Variants in AUTS2 observed in about 807,000 individuals in gnomAD.
AUTS2 encodes activator of transcription and developmental regulator AUTS2.
In AUTS2, 17 loss-of-function variants were observed where a neutral mutation model predicts 112.4. The ratio of observed to expected loss-of-function variants is 0.15; its 90% CI spans 0.10 to 0.23. The LOEUF is 0.23. Among genes scored for constraint, AUTS2 ranks in the 10% least tolerant of loss-of-function variants. The pLI, the probability that AUTS2 is intolerant of heterozygous loss-of-function variation, is 1.00. For missense variants in AUTS2, 1,510 were observed against 1,701.6 expected (o/e 0.89, Z 1.98); for synonymous variants, 751 against 702.7 (o/e 1.07, Z -1.09).
intron 2 of AUTS2, among the ~76,000 whole-genome samples, chr7:70,041,751 A>G (rs1801257802): frequency 6.6e-6 from 1 of 152,206 alleles, no homozygotes; most frequent in Admixed American, 6.5e-5. Context: ...ATAATCAGAA[A>G]TAGCTTGGGG....
chr7:70,711,499 G>C (rs1175105510), intron 6 of AUTS2, among the ~76,000 whole-genome samples: 1 of 152,182 alleles, frequency 6.6e-6, no homozygotes, highest in East Asian at 1.9e-4. Flanking sequence ...GGGCTTCCAA[G>C]TGACAAACAA....
intron 4 of AUTS2, among the ~76,000 whole-genome samples, chr7:70,311,630 C>A (rs1257992626): frequency 1.3e-5 from 2 of 152,188 alleles, no homozygotes; most frequent in Admixed American, 1.3e-4. Context: ...AATCTTGGCT[C>A]ACTGCAACCT....
chr7:70,289,494 A>G (rs1788613706), intron 4 of AUTS2, among the ~76,000 whole-genome samples: 1 of 152,220 alleles, frequency 6.6e-6, no homozygotes, highest in Non-Finnish European at 1.5e-5. Flanking sequence ...ACAGAAACAT[A>G]AGATTTACAT....
At chr7:70,449,396 C>T (rs1363593953) in intron 5 of AUTS2, among the ~76,000 whole-genome samples, 1 of 152,166 alleles carries the variant, frequency 6.6e-6, no homozygotes. Context: ...GTTGGTGTAA[C>T]TTAAGCCAGG....
At chr7:69,959,322 A>C (rs1797339683) in intron 2 of AUTS2, among the ~76,000 whole-genome samples, 1 of 152,200 alleles carries the variant, frequency 6.6e-6, no homozygotes, top group Admixed American at 6.5e-5. Context: ...AGTTACTTAC[A>C]GAATACTCTC....
At chr7:70,267,874 T>A (rs1290482846) in intron 4 of AUTS2, among the ~76,000 whole-genome samples, 1 of 152,206 alleles carries the variant, frequency 6.6e-6, no homozygotes, top group African/African-American at 2.4e-5. Flanking sequence ...TTTCCCCCCC[T>A]ACACTTGCAA....
chr7:70,743,340 G>A (rs61561819), intron 6 of AUTS2, among the ~76,000 whole-genome samples: 14,105 of 151,906 alleles, frequency 0.093, 757 homozygotes, highest in East Asian at 0.27. Context: ...GTGGTGACAC[G>A]CACCTGTAGT....
At chr7:69,882,014 G>A (rs981571786) in intron 1 of AUTS2, among the ~76,000 whole-genome samples, 2 of 151,764 alleles carry the variant, frequency 1.3e-5, no homozygotes, top group African/African-American at 4.8e-5. Flanking sequence ...GCTGGGAGTG[G>A]TGGTGCACGC....
intron 5 of AUTS2, among the ~76,000 whole-genome samples, chr7:70,645,988 A>T (rs1248357663): frequency 6.6e-6 from 1 of 152,106 alleles, no homozygotes; most frequent in Admixed American, 6.5e-5. Flanking sequence ...CGTCTAACCC[A>T]TTTCACACCA....
intron 5 of AUTS2, among the ~76,000 whole-genome samples, chr7:70,695,992 C>T (rs890876225): frequency 1.2e-4 from 18 of 152,148 alleles, no homozygotes; most frequent in Admixed American, 1.1e-3. Flanking sequence ...TCGGCTCATT[C>T]TGGGCTCGCC....
chr7:69,873,792 GA>G lies in AUTS2; in HGVS notation c.310-25492del, dbSNP rs139318762. Among the ~76,000 whole-genome samples, 446 of 152,218 alleles carry G rather than the reference GA, an allele frequency of 2.9e-3. 5 individuals carry two copies. The highest frequency in any genetic ancestry group is 0.01 in the African/African-American group (432 of 41,532). On this transcript the variant is annotated intron_variant, in intron 1 of 18. Transcript: ENST00000342771. ...AGAAGAGTGTGTCACAGAATAGCTGGAATTACACCTACTTTATGTATGAAGA... is the reference window on the plus strand; with the variant it reads ...AGAAGAGTGTGTCACAGAATAGCTGGATTACACCTACTTTATGTATGAAGA...
At chr7:70,764,228 C>A (rs77175527) in intron 7 of AUTS2, among the ~76,000 whole-genome samples, 4,798 of 152,268 alleles carry the variant, frequency 0.032, 110 homozygotes, top group Non-Finnish European at 0.047. Flanking sequence ...GGCCCGGCTT[C>A]TGCCCCCTCG....
At position 70,172,340 on chromosome 7, in the gene AUTS2, G is replaced by A. The variant is rs979434594; in HGVS notation, c.660+37769G>A. Among the ~76,000 whole-genome samples the A allele has an allele frequency of 2.6e-5, 4 of 152,290 alleles. No homozygotes were observed. In the East Asian group the frequency reaches 5.8e-4, roughly 22 times the overall value. On this transcript the variant is annotated intron_variant, in intron 4 of 18. Coordinates refer to ENST00000342771, the MANE Select transcript of AUTS2 (RefSeq NM_015570.4). ...TCTCATTTTACCAGGTATAAAGAGC[G>A]AGGATTTGCAAGGTTTCTGTAAGGT...
chr7:70,578,018 G>A (rs1237635853), intron 5 of AUTS2, among the ~76,000 whole-genome samples: 2 of 152,018 alleles, frequency 1.3e-5, no homozygotes, highest in Non-Finnish European at 2.9e-5. Flanking sequence ...TTTTAGTAGA[G>A]ACGGGGTTTC....
chr7:70,743,882 C>A (rs1262936263), intron 6 of AUTS2, among the ~76,000 whole-genome samples: 1 of 152,164 alleles, frequency 6.6e-6, no homozygotes, highest in African/African-American at 2.4e-5. Context: ...TGGGAGCAAT[C>A]ATCATTTCTA....
intron 4 of AUTS2, among the ~76,000 whole-genome samples, chr7:70,192,863 G>A (rs1242197659): frequency 6.6e-6 from 1 of 152,174 alleles, no homozygotes; most frequent in African/African-American, 2.4e-5. Context: ...TGGACGGGGG[G>A]AGTCAAAATG....
At chr7:69,778,340 C>A (rs1788988398) in intron 1 of AUTS2, among the ~76,000 whole-genome samples, 1 of 150,878 alleles carries the variant, frequency 6.6e-6, no homozygotes, top group Non-Finnish European at 1.5e-5. Context: ...ACTTGGAGAA[C>A]TACTGGTGTG....
At chr7:70,471,803 G>A (rs1045836736) in intron 5 of AUTS2, among the ~76,000 whole-genome samples, 18 of 152,140 alleles carry the variant, frequency 1.2e-4, no homozygotes, top group African/African-American at 4.3e-4. Context: ...TGTGGATCCG[G>A]TGGGTGTATG....
chr7:70,765,232 G>A (rs1789862357), intron 8 of AUTS2, among the ~76,000 whole-genome samples: 1 of 152,184 alleles, frequency 6.6e-6, no homozygotes, highest in African/African-American at 2.4e-5. Context: ...CCCGAAGAGA[G>A]TGGGTTTGTT....
Sources: allele counts gnomAD v4.1 joint callset (sites outside exome capture counted in the v4.1 genomes callset), GRCh38; gene constraint gnomAD v4.1.1; transcripts MANE v1.5; gene names NCBI Gene and HGNC (gene_info 2026-07-23, HGNC 2026-07-21).